NSUN6: variants seen among roughly 807,000 people sequenced by gnomAD.
NSUN6 encodes the protein tRNA (cytosine(72)-C(5))-methyltransferase NSUN6.
Under a neutral mutation model 58.0 loss-of-function variants are expected in NSUN6, and 64 were observed. That is an observed-to-expected ratio of 1.10 (90% CI 0.90 to 1.36). The LOEUF is 1.36. NSUN6 is among the 40% of genes most tolerant of loss of function. The pLI is 0.00. For missense variants in NSUN6, 701 were observed against 550.1 expected (o/e 1.27, Z -2.74); for synonymous variants, 231 against 193.9 (o/e 1.19, Z -1.59).
intron 6 of NSUN6, among the ~76,000 whole-genome samples, chr10:18,602,095 GCT>G (rs1368139041): frequency 6.6e-6 from 1 of 151,584 alleles, no homozygotes; most frequent in East Asian, 2.0e-4. Context: ...ATGGTGTTTC[GCT>G]CTGTCACCCA....
upstream of NSUN6, among the ~76,000 whole-genome samples, chr10:18,656,043 A>G (rs887160766): frequency 2.0e-5 from 3 of 152,294 alleles, no homozygotes; most frequent in East Asian, 1.9e-4. Flanking sequence ...CATTTTATCA[A>G]TACACTTTTC....
chr10:18,613,829 T>C (rs1590067864), intron 5 of NSUN6, among the ~76,000 whole-genome samples: 1 of 152,290 alleles, frequency 6.6e-6, no homozygotes, highest in Non-Finnish European at 1.5e-5. Context: ...GCTTTCAGCA[T>C]GTCTATGTCA....
intron 8 of NSUN6, among the ~76,000 whole-genome samples, chr10:18,565,308 G>A (rs2055843839): frequency 7.6e-6 from 1 of 132,190 alleles, no homozygotes; most frequent in African/African-American, 2.8e-5. Flanking sequence ...CTGCATTCTC[G>A]ATTCCATTCC....
chr10:18,629,667 A>C (rs951859819), intron 3 of NSUN6, among the ~76,000 whole-genome samples: 1 of 151,850 alleles, frequency 6.6e-6, no homozygotes, highest in Non-Finnish European at 1.5e-5. Context: ...AGGTCATTAC[A>C]TAATGGTAAA....
chr10:18,611,134 T>C (rs1442188490), intron 5 of NSUN6, among the ~76,000 whole-genome samples: 2 of 151,950 alleles, frequency 1.3e-5, no homozygotes, highest in African/African-American at 2.4e-5. Flanking sequence ...AGTTGGAGGA[T>C]GCAGTGAGTT....
At chr10:18,565,176 T>C (rs2055834512) in intron 8 of NSUN6, among the ~76,000 whole-genome samples, 1 of 151,224 alleles carries the variant, frequency 6.6e-6, no homozygotes, top group African/African-American at 2.4e-5. Flanking sequence ...CCTTTCATTC[T>C]CTGTTCCATT....
chr10:18,635,162 G>A (rs2059171052), intron 3 of NSUN6, among the ~76,000 whole-genome samples: 1 of 152,144 alleles, frequency 6.6e-6, no homozygotes. Context: ...TTTTCTTCTA[G>A]ACAACTATTT....
chr10:18,631,811 T>G (rs899317848), intron 3 of NSUN6, among the ~76,000 whole-genome samples: 3 of 151,984 alleles, frequency 2.0e-5, no homozygotes, highest in African/African-American at 7.3e-5. Flanking sequence ...ATCAATATCG[T>G]AAAAATGGCC....
chr10:18,644,562 C>T (rs887320851), intron 2 of NSUN6, among the ~76,000 whole-genome samples: 19 of 150,830 alleles, frequency 1.3e-4, no homozygotes, highest in Non-Finnish European at 8.8e-5. Flanking sequence ...GTTGGCCGGG[C>T]GCAGTGGCTC....
chr10:18,592,437 T>C (rs573397030), intron 7 of NSUN6, among the ~76,000 whole-genome samples: 46 of 152,210 alleles, frequency 3.0e-4, no homozygotes, highest in African/African-American at 1.0e-3. Context: ...AAAAGAACAA[T>C]GCTGGAGGCA....
At chr10:18,581,505 T>C (rs777705988) in intron 8 of NSUN6, among the ~76,000 whole-genome samples, 1 of 152,102 alleles carries the variant, frequency 6.6e-6, no homozygotes, top group Non-Finnish European at 1.5e-5. Flanking sequence ...ATCCCTTGTT[T>C]AGCATATACT....
intron 8 of NSUN6, among the ~76,000 whole-genome samples, chr10:18,564,807 T>C (rs1437181717): frequency 6.6e-6 from 1 of 151,114 alleles, no homozygotes; most frequent in Non-Finnish European, 1.5e-5. Flanking sequence ...CTGCATTCCA[T>C]TCCATTATTC....
chr10:18,627,726 G>T (rs377027608), intron 3 of NSUN6, among the ~76,000 whole-genome samples: 2 of 152,254 alleles, frequency 1.3e-5, no homozygotes, highest in African/African-American at 4.8e-5. Context: ...CGGAGCACCA[G>T]GAGACTATAT....
chr10:18,588,627 C>A (rs1035960696), intron 7 of NSUN6, among the ~76,000 whole-genome samples: 1 of 152,148 alleles, frequency 6.6e-6, no homozygotes, highest in Non-Finnish European at 1.5e-5. Flanking sequence ...TGGTGATACC[C>A]AGTCAAACAG....
chr10:18,652,029 A>G (rs2059719057), upstream of NSUN6: 1 of 985,288 alleles, frequency 1.0e-6, no homozygotes, highest in African/African-American at 1.7e-5. Flanking sequence ...TCTCAGGCAT[A>G]CAGATCTGAC....
chr10:18,609,473 A>G (rs1032691166), intron 6 of NSUN6, among the ~76,000 whole-genome samples: 2 of 152,122 alleles, frequency 1.3e-5, no homozygotes, highest in African/African-American at 4.8e-5. Context: ...TTATATTGTG[A>G]ATTATAATAA....
chr10:18,621,557 T>C (rs1163260251), intron 3 of NSUN6, among the ~76,000 whole-genome samples: 1 of 152,172 alleles, frequency 6.6e-6, no homozygotes, highest in African/African-American at 2.4e-5. Flanking sequence ...AACGTAAAAG[T>C]TGGTGCAAGG....
chr10:18,577,534 TC>T (rs1184540768), intron 8 of NSUN6, among the ~76,000 whole-genome samples: 3 of 152,012 alleles, frequency 2.0e-5, no homozygotes, highest in African/African-American at 7.3e-5. Context: ...CTTAACTATC[TC>T]CACCTTATCC....
intron 5 of NSUN6, among the ~76,000 whole-genome samples, chr10:18,610,801 G>C (rs573573482): frequency 6.6e-6 from 1 of 152,314 alleles, no homozygotes; most frequent in African/African-American, 2.4e-5. Flanking sequence ...TTGTGTGTCA[G>C]GCCAAAGCAG....
Sources: gnomAD v4.1 joint callset for allele counts (sites outside exome capture counted in the v4.1 genomes callset) on GRCh38, gnomAD v4.1.1 for gene constraint, MANE v1.5 for transcripts, NCBI Gene and HGNC (gene_info 2026-07-23, HGNC 2026-07-21) for gene names.